RTN4RL2: variants seen among roughly 807,000 people sequenced by gnomAD.
The protein encoded by RTN4RL2 is reticulon-4 receptor-like 2.
RTN4RL2 carries 9 observed loss-of-function variants against 27.8 expected under a neutral mutation model. The observed-to-expected ratio is 0.32, with a 90% CI of 0.20 to 0.57. The LOEUF (loss-of-function observed/expected upper bound fraction) is 0.57, where lower values mean the gene tolerates loss of function less well. RTN4RL2 is among the 20% of genes least tolerant of loss of function. RTN4RL2 has a pLI of 0.90. For synonymous variants in RTN4RL2, 285 were observed against 297.9 expected, an observed-to-expected ratio of 0.96 and a Z score of 0.45; for missense variants, 436 against 596.8, an observed-to-expected ratio of 0.73 and a Z score of 2.81.
intron 1 of RTN4RL2, among the ~76,000 whole-genome samples, chr11:57,465,032 CACGCACCGACGCAGCACCG>C (rs1469335466): frequency 6.6e-6 from 1 of 152,162 alleles, no homozygotes; most frequent in African/African-American, 2.4e-5. Context: ...GGACAGCCAG[CACGCACCGACGCAGCACCG>C]ACGCAGCGCC....
At chr11:57,461,529 T>G (rs1298500510) in intron 1 of RTN4RL2, among the ~76,000 whole-genome samples, 5 of 128,212 alleles carry the variant, frequency 3.9e-5, no homozygotes, top group African/African-American at 6.6e-5. Context: ...AGGAGGGAGA[T>G]GGAGCGGGGG....
intron 2 of RTN4RL2, among the ~76,000 whole-genome samples, chr11:57,473,190 G>A (rs981372541): frequency 8.5e-5 from 13 of 152,226 alleles, no homozygotes; most frequent in South Asian, 2.1e-4. Flanking sequence ...GTAGACACTC[G>A]GTACAGCTCT....
At chr11:57,474,907 C>G (rs938816296) in intron 2 of RTN4RL2, among the ~76,000 whole-genome samples, 1 of 152,190 alleles carries the variant, frequency 6.6e-6, no homozygotes, top group African/African-American at 2.4e-5. Context: ...TAGCACCAGG[C>G]AGGTGGGACA....
Position 57,467,868 on chromosome 11 carries a change from C to T in RTN4RL2, c.291C>T (p.Ile97=). Residue 97 remains isoleucine (I), a synonymous_variant, in exon 2 of 3, where the codon ATC becomes ATT. Coordinates refer to ENST00000335099, the MANE Select transcript of RTN4RL2 (RefSeq NM_178570.3). This position sits in a 1 kb window ranked among gnomAD's most constrained non-coding sequence, Gnocchi z 5.5. ...TCTTCTCCAACAACCTCTCCACCATCTACCCGGGCACTTTCCGCCACTTGC... is the reference window on the plus strand; with the variant it reads ...TCTTCTCCAACAACCTCTCCACCATTTACCCGGGCACTTTCCGCCACTTGC... The part of the protein sequence containing the change: ...LWLFSNNLST[I]YPGTFRHLQA... 6.2e-7 allele frequency: 1 copy of T among 1,614,188 alleles called. No homozygotes were observed. The highest frequency in any genetic ancestry group is 8.5e-7 in the Non-Finnish European group (1 of 1,180,008).
At chr11:57,465,706 T>C (rs1384889061) in intron 1 of RTN4RL2, among the ~76,000 whole-genome samples, 1 of 152,134 alleles carries the variant, frequency 6.6e-6, no homozygotes, top group Non-Finnish European at 1.5e-5. Flanking sequence ...AGGCCAGGGA[T>C]GATGGGAGGC....
intron 1 of RTN4RL2, among the ~76,000 whole-genome samples, chr11:57,464,995 G>A (rs1210374109): frequency 2.0e-5 from 3 of 152,170 alleles, no homozygotes; most frequent in Non-Finnish European, 4.4e-5. Flanking sequence ...ACACACGCAC[G>A]GGGCCCGGCG....
rs143661405 is a variant in RTN4RL2 at position 57,467,619 on chromosome 11, G to A, written c.42G>A (p.Ser14=). Residue 14 remains serine, a synonymous_variant, in exon 2 of 3, where the codon TCG becomes TCA. Transcript: ENST00000335099. This position sits in a 1 kb window ranked among gnomAD's most constrained non-coding sequence, Gnocchi z 5.5. ...TTCCCCTCCCCACAGCTCCCGCCTCGGCCTGCCTCCTGCTGATGCTCCTGG... is the reference window on the plus strand; with the variant it reads ...TTCCCCTCCCCACAGCTCCCGCCTCAGCCTGCCTCCTGCTGATGCTCCTGG... ...GLRRLLQAPA[S]ACLLLMLLAL... is the part of the protein sequence containing the mutation. 2.9e-5 allele frequency: 46 copies of A among 1,605,600 alleles called. No homozygotes were observed. Among genetic ancestry groups the A allele is most frequent in the South Asian group, 4.4e-5 (4 of 90,564 alleles).
Position 57,476,206 on chromosome 11 carries a change from C to T in RTN4RL2, c.558C>T (p.Leu186=). 1 of 1,611,858 alleles carries T rather than the reference C, an allele frequency of 6.2e-7. No homozygotes were observed. Among genetic ancestry groups the T allele is most frequent in the East Asian group, 2.2e-5 (1 of 44,818 alleles). The change falls in exon 3 of 3, where the codon CTC becomes CTT. Residue 186 remains leucine, a synonymous_variant. Coordinates refer to ENST00000335099, the MANE Select transcript of RTN4RL2 (RefSeq NM_178570.3). This position sits in a 1 kb window ranked among gnomAD's most constrained non-coding sequence, Gnocchi z 8.2. ...ADLANLSHLF[L]HGNRLRLLTE... The stretch of plus-strand genomic sequence containing the variant: ...TGGCCAACCTGAGCCACCTCTTCCT[C>T]CACGGGAACCGCCTGCGGCTGCTCA...
rs1943476771 is a variant in RTN4RL2, at chr11:57,460,752, G to A, written c.-114G>A. On this transcript the variant is annotated 5_prime_UTR_variant, in exon 1 of 3. Coordinates refer to ENST00000335099, the MANE Select transcript of RTN4RL2 (RefSeq NM_178570.3). ...CCGCGGCCCGGCCACGCAGCCCGGGGACTCCCGGGCCCTCCCGGAGCCCCG... is the reference window on the plus strand; with the variant it reads ...CCGCGGCCCGGCCACGCAGCCCGGGAACTCCCGGGCCCTCCCGGAGCCCCG... 2.2e-6 allele frequency: 1 copy of A among 451,872 alleles called. No homozygotes were observed. 28.0% of individuals were successfully genotyped at this position (451,872 alleles called of 1,614,324 possible).
At chr11:57,473,258 G>A (rs1269012164) in intron 2 of RTN4RL2, among the ~76,000 whole-genome samples, 1 of 152,128 alleles carries the variant, frequency 6.6e-6, no homozygotes, top group Non-Finnish European at 1.5e-5. Flanking sequence ...AGATGCAGAT[G>A]GGATCTTAAA....
intron 2 of RTN4RL2, among the ~76,000 whole-genome samples, chr11:57,469,941 T>G (rs1209021912): frequency 6.6e-6 from 1 of 152,190 alleles, no homozygotes; most frequent in African/African-American, 2.4e-5. Flanking sequence ...TTATGTCTTC[T>G]CACCATCATG....
rs530629173 is a variant in RTN4RL2 at position 57,477,169 on chromosome 11, C to T, written c.*258C>T. ...GTTCTGGCCATTAACTCTTCCCCATCCCAAGGCTGGGGTGGGGCCCCCCAG... is the reference window on the plus strand; with the variant it reads ...GTTCTGGCCATTAACTCTTCCCCATTCCAAGGCTGGGGTGGGGCCCCCCAG... On this transcript the variant is annotated 3_prime_UTR_variant, in exon 3 of 3. Coordinates refer to ENST00000335099, the MANE Select transcript of RTN4RL2 (RefSeq NM_178570.3). 2.5e-6 allele frequency: 1 copy of T among 406,170 alleles called. No individual in the cohort carries two copies. Among genetic ancestry groups the T allele is most frequent in the South Asian group, 7.9e-5 (1 of 12,718 alleles). The allele number at this position is 406,170 out of a possible 1,614,324, so 25.2% of individuals were successfully genotyped here. A position where few individuals can be genotyped will look rare whatever the true frequency, so the allele number is the denominator to read the frequency against.
chr11:57,470,933 G>A (rs1943559246), intron 2 of RTN4RL2, among the ~76,000 whole-genome samples: 3 of 151,986 alleles, frequency 2.0e-5, no homozygotes, highest in South Asian at 4.2e-4. Context: ...ACGAGTTAGT[G>A]TATAGAAAGC....
At chr11:57,471,062 C>G (rs546523584) in intron 2 of RTN4RL2, among the ~76,000 whole-genome samples, 2 of 151,974 alleles carry the variant, frequency 1.3e-5, no homozygotes, top group African/African-American at 2.4e-5. Flanking sequence ...ATGGTGAAAC[C>G]CTGTCTCTAC....
chr11:57,462,165 T>C (rs2729379), intron 1 of RTN4RL2, among the ~76,000 whole-genome samples: 148,093 of 152,158 alleles, frequency 0.97, 72,196 homozygotes, highest in East Asian at 1. Context: ...TTATCCGGCC[T>C]GGACGTTGGA....
Position 57,476,551 on chromosome 11 carries a change from G to A in RTN4RL2, c.903G>A (p.Ala301=). ...PPERQGRDLR[A]LREADFQACP... ...AGCGCCAGGGCCGAGACCTGCGCGCGCTCCGCGAGGCCGACTTCCAGGCGT... is the reference window on the plus strand; with the variant it reads ...AGCGCCAGGGCCGAGACCTGCGCGCACTCCGCGAGGCCGACTTCCAGGCGT... Residue 301 remains alanine, a synonymous_variant, in exon 3 of 3, where the codon GCG becomes GCA. Coordinates refer to ENST00000335099, the MANE Select transcript of RTN4RL2 (RefSeq NM_178570.3). This position sits in a 1 kb window ranked among gnomAD's most constrained non-coding sequence, Gnocchi z 8.2. 1 of 1,396,208 alleles carries A rather than the reference G, an allele frequency of 7.2e-7. No homozygotes were observed. 86.5% of individuals were successfully genotyped at this position (1,396,208 alleles called of 1,614,324 possible). A position where few individuals can be genotyped will look rare whatever the true frequency, so the allele number is the denominator to read the frequency against.
Position 57,476,173 on chromosome 11 carries a change from C to T in RTN4RL2, c.525C>T (p.Phe175=), listed in dbSNP as rs1472871649. The T allele has an allele frequency of 2.5e-6, 4 of 1,605,940 alleles. No homozygotes were observed. The East Asian group carries it at 8.9e-5, about 36-fold the overall frequency. ...TCCACCCCACCCAGGATGACTTGTTCGCGGACCTGGCCAACCTGAGCCACC... is the reference window on the plus strand; with the variant it reads ...TCCACCCCACCCAGGATGACTTGTTTGCGGACCTGGCCAACCTGAGCCACC... ...NSLLHLQDDL[F]ADLANLSHLF... is the part of the protein sequence containing the mutation. The change falls in exon 3 of 3, where the codon TTC becomes TTT. Residue 175 remains phenylalanine, a synonymous_variant. Coordinates refer to ENST00000335099, the MANE Select transcript of RTN4RL2 (RefSeq NM_178570.3). This position sits in a 1 kb window ranked among gnomAD's most constrained non-coding sequence, Gnocchi z 8.2.
intron 1 of RTN4RL2, among the ~76,000 whole-genome samples, chr11:57,466,482 A>C (rs1431664865): frequency 6.6e-6 from 1 of 152,200 alleles, no homozygotes; most frequent in African/African-American, 2.4e-5. Context: ...AAAGAAAAAA[A>C]GAAAGAAGTT....
intron 1 of RTN4RL2, among the ~76,000 whole-genome samples, chr11:57,463,695 G>A (rs1328749697): frequency 6.6e-6 from 1 of 152,122 alleles, no homozygotes; most frequent in Non-Finnish European, 1.5e-5. Flanking sequence ...GGGAGAGACA[G>A]GAGGCCTGGG....
Sources: allele counts gnomAD v4.1 joint callset (sites outside exome capture counted in the v4.1 genomes callset), GRCh38; gene constraint gnomAD v4.1.1; non-coding constraint Gnocchi (gnomAD v3.1); transcripts MANE v1.5; gene names NCBI Gene and HGNC (gene_info 2026-07-23, HGNC 2026-07-21).